Variants in PHF14 observed in about 807,000 individuals in gnomAD.
PHF14 encodes the protein PHD finger protein 14.
Under a neutral mutation model 117.9 loss-of-function variants are expected in PHF14, and 55 were observed. The ratio of observed to expected loss-of-function variants is 0.47; its 90% confidence interval spans 0.38 to 0.58. The LOEUF is 0.58. Among genes scored for constraint, PHF14 ranks in the 20% least tolerant of loss-of-function variants. The pLI is 0.00. For synonymous variants in PHF14, 409 were observed against 368.6 expected, an observed-to-expected ratio of 1.11 and a Z score of -1.26; for missense variants, 978 against 1,122.2, an observed-to-expected ratio of 0.87 and a Z score of 1.84.
chr7:11,070,650 C>T (rs1785585250), intron 16 of PHF14, among the ~76,000 whole-genome samples: 1 of 152,204 alleles, frequency 6.6e-6, no homozygotes, highest in Non-Finnish European at 1.5e-5. Flanking sequence ...TTGGAACCCT[C>T]ATAAAATCCC....
At chr7:10,985,479 C>G (rs776585329) in intron 3 of PHF14, among the ~76,000 whole-genome samples, 68 of 151,818 alleles carry the variant, frequency 4.5e-4, no homozygotes, top group Non-Finnish European at 7.5e-4. Context: ...AAATAATGAC[C>G]TGAAACTTTC....
chr7:11,088,954 G>T (rs1225777253), intron 16 of PHF14, among the ~76,000 whole-genome samples: 1 of 152,102 alleles, frequency 6.6e-6, no homozygotes, highest in Admixed American at 6.6e-5. Flanking sequence ...AACAAAAAAT[G>T]AGCATGGTAT....
At chr7:11,054,386 C>G (rs925211542) in intron 14 of PHF14, among the ~76,000 whole-genome samples, 9 of 152,216 alleles carry the variant, frequency 5.9e-5, no homozygotes, top group African/African-American at 2.2e-4. Flanking sequence ...CTTTTTCCCT[C>G]TCATCTTTTC....
chr7:11,030,771 C>G (rs1200832764), intron 7 of PHF14, among the ~76,000 whole-genome samples: 1 of 152,084 alleles, frequency 6.6e-6, no homozygotes, highest in African/African-American at 2.4e-5. Context: ...CAACTTTTCT[C>G]CCTATTCACT....
chr7:11,138,041 CTT>C (rs34783802), intron 17 of PHF14, among the ~76,000 whole-genome samples: 4 of 145,546 alleles, frequency 2.7e-5, no homozygotes, highest in Admixed American at 6.8e-5. Context: ...AAAAATACTT[CTT>C]TTTTTTTTTT....
intron 7 of PHF14, 65 bp from the exon 8 acceptor site, chr7:11,035,575 G>C: frequency 1.0e-6 from 1 of 957,350 alleles, no homozygotes; most frequent in Admixed American, 2.8e-5. Context: ...ATTCTTTTGT[G>C]TTAGGTCTTT....
intron 2 of PHF14, among the ~76,000 whole-genome samples, chr7:10,977,351 T>G (rs1781902590): frequency 6.6e-6 from 1 of 152,184 alleles, no homozygotes; most frequent in Admixed American, 6.5e-5. Flanking sequence ...AGTGGTTAGA[T>G]TCGTTGGCCT....
intron 4 of PHF14, among the ~76,000 whole-genome samples, chr7:11,000,828 G>A (rs1291399091): frequency 6.6e-6 from 1 of 152,008 alleles, no homozygotes; most frequent in Non-Finnish European, 1.5e-5. Flanking sequence ...TTATTCTCTT[G>A]AAGGTATCTC....
At chr7:10,996,278 A>G (rs1583343692) in intron 4 of PHF14, among the ~76,000 whole-genome samples, 1 of 152,260 alleles carries the variant, frequency 6.6e-6, no homozygotes, top group South Asian at 2.1e-4. Flanking sequence ...TTTGAGGTAG[A>G]TAGTAAAAGT....
Position 11,042,700 on chromosome 7 carries a change from A to G in PHF14, c.2198A>G (p.Lys733Arg), listed in dbSNP as rs778309896. The G allele has an allele frequency of 6.3e-7, 1 of 1,585,252 alleles. No individual in the cohort carries two copies. The highest frequency in any genetic ancestry group is 1.2e-5 in the South Asian group (1 of 85,966). The change falls in exon 13 of 18, where the codon AAG becomes AGG. Residue 733 changes from lysine (K) to arginine (R), a missense_variant. Coordinates refer to ENST00000634607, the MANE Select transcript of PHF14 (RefSeq NM_001007157.2). ...AVLYSCGICK[K>R]NHDQHLLLLC... ...ATTAAAAGTTGTGGGATTTGTAAGA[A>G]GAACCATGATCAGCATCTTCTTTTA...
chr7:11,034,860 T>G (rs1562431714), intron 7 of PHF14, among the ~76,000 whole-genome samples: 1 of 152,106 alleles, frequency 6.6e-6, no homozygotes, highest in Non-Finnish European at 1.5e-5. Context: ...TTAATTCTAT[T>G]TTTATCCTCA....
chr7:11,048,657 G>T (rs17163919), intron 13 of PHF14, among the ~76,000 whole-genome samples: 1,920 of 152,268 alleles, frequency 0.013, 43 homozygotes, highest in East Asian at 0.1. Context: ...ACCATCTTGT[G>T]TACCAATTAA....
intron 12 of PHF14, among the ~76,000 whole-genome samples, chr7:11,042,100 T>A (rs1784520914): frequency 6.6e-6 from 1 of 151,930 alleles, no homozygotes; most frequent in South Asian, 2.1e-4. Context: ...TAAATATCAA[T>A]TGATGTGTGC....
At chr7:11,080,287 A>T (rs28378773) in intron 16 of PHF14, among the ~76,000 whole-genome samples, 17,366 of 152,136 alleles carry the variant, frequency 0.11, 1,184 homozygotes, top group African/African-American at 0.19. Context: ...AAAACTTGAT[A>T]ACTTATATTA....
intron 10 of PHF14, 148 bp from the exon 11 acceptor site, chr7:11,038,612 C>T (rs1020196382): frequency 2.1e-5 from 5 of 238,588 alleles, no homozygotes; most frequent in African/African-American, 2.3e-5. Flanking sequence ...GAGCCGAAAT[C>T]GTGTCACCGC....
chr7:11,025,948 C>T (rs1354083241), intron 6 of PHF14, among the ~76,000 whole-genome samples: 1 of 151,726 alleles, frequency 6.6e-6, no homozygotes, highest in Non-Finnish European at 1.5e-5. Flanking sequence ...CCTGTATCTA[C>T]TAAAAATACA....
chr7:11,046,191 TA>T (rs1256596081), intron 13 of PHF14, among the ~76,000 whole-genome samples: 1 of 152,184 alleles, frequency 6.6e-6, no homozygotes, highest in Non-Finnish European at 1.5e-5. Flanking sequence ...TTGTTGTTTT[TA>T]AAAATGTACA....
intron 2 of PHF14, among the ~76,000 whole-genome samples, chr7:10,978,543 G>C (rs1357263411): frequency 6.6e-6 from 1 of 152,176 alleles, no homozygotes; most frequent in African/African-American, 2.4e-5. Context: ...AAGTAGAAGA[G>C]ATAAGCCTGG....
At chr7:11,103,068 A>G in intron 16 of PHF14, 1 of 979,612 alleles carries the variant, frequency 1.0e-6, no homozygotes. Flanking sequence ...GAAGTACTGC[A>G]TTGTAAAACA....
Sources: allele counts gnomAD v4.1 joint callset (sites outside exome capture counted in the v4.1 genomes callset), GRCh38; gene constraint gnomAD v4.1.1; transcripts MANE v1.5; gene names NCBI Gene and HGNC (gene_info 2026-07-23, HGNC 2026-07-21).